The following LIMCH1 variants were observed in gnomAD, a reference collection of about 807,000 sequenced individuals.
LIMCH1 encodes the protein LIM and calponin homology domains 1, also known as LIM and calponin homology domains-containing protein 1.
Under a neutral mutation model 176.5 loss-of-function variants are expected in LIMCH1, and 113 were observed. The ratio of observed to expected loss-of-function variants is 0.64; its 90% CI spans 0.55 to 0.75. The LOEUF is 0.75. LIMCH1 is among the 30% of genes least tolerant of loss of function. The probability of loss-of-function intolerance (pLI) is 0.00; values close to 1 mark genes in which losing one functional copy is unlikely to be tolerated. For synonymous variants in LIMCH1, 619 were observed against 645.9 expected, an observed-to-expected ratio of 0.96 and a Z score of 0.63; for missense variants, 1,674 against 1,814.9, an observed-to-expected ratio of 0.92 and a Z score of 1.41.
intron 31 of LIMCH1, among the ~76,000 whole-genome samples, chr4:41,696,018 G>T (rs1362203310): frequency 6.6e-6 from 1 of 152,050 alleles, no homozygotes; most frequent in Non-Finnish European, 1.5e-5. Flanking sequence ...TACGTCATAG[G>T]CATTCTAAGT....
At chr4:41,507,182 C>A (rs1392064433) in intron 2 of LIMCH1, among the ~76,000 whole-genome samples, 1 of 152,180 alleles carries the variant, frequency 6.6e-6, no homozygotes, top group African/African-American at 2.4e-5. Context: ...GGTTTTCATC[C>A]CTTTCTTGTT....
chr4:41,362,516 G>T (rs1022813140), intron 1 of LIMCH1, among the ~76,000 whole-genome samples: 2 of 152,190 alleles, frequency 1.3e-5, no homozygotes, highest in Non-Finnish European at 2.9e-5. Context: ...GACTTCGAGT[G>T]TGGGTGGGGG....
At chr4:41,533,190 G>A (rs1167766713), upstream of LIMCH1, among the ~76,000 whole-genome samples, 3 of 152,166 alleles carry the variant, frequency 2.0e-5, no homozygotes. Context: ...AGAAAGGGAG[G>A]GAGACAACAA....
At chr4:41,481,936 G>A (rs898012778) in intron 1 of LIMCH1, among the ~76,000 whole-genome samples, 8 of 151,306 alleles carry the variant, frequency 5.3e-5, no homozygotes, top group Non-Finnish European at 1.0e-4. Context: ...CTGCAACCTC[G>A]GTCTCTTGGG....
chr4:41,685,794 T>C lies in LIMCH1; in HGVS notation c.4052T>C (p.Ile1351Thr). ...KPKTLPLDKS[I>T]NHQIESPSER... ...AAAACCCTCCCGCTGGATAAAAGCA[T>C]TAACCATCAGATCGAGTCTCCCAGT... Residue 1351 changes from isoleucine (I) to threonine (T), a missense_variant, in exon 28 of 32, where the codon ATT becomes ACT. Around this residue, in one of 3 missense-constraint regions of LIMCH1, gnomAD observed 1,015 missense variants for 1,102.5 expected, o/e 0.92. Transcript: ENST00000503057. 6.2e-7 allele frequency: 1 copy of C among 1,613,566 alleles called. No individual in the cohort carries two copies. Among genetic ancestry groups the C allele is most frequent in the South Asian group, 1.1e-5 (1 of 91,034 alleles).
intron 1 of LIMCH1, among the ~76,000 whole-genome samples, chr4:41,564,638 G>C (rs2082478542): frequency 6.6e-6 from 1 of 152,152 alleles, no homozygotes; most frequent in African/African-American, 2.4e-5. Context: ...TAGCATGACT[G>C]ATGTCAGTTC....
chr4:41,671,397 AACACACACACACAC>A (rs141018823), intron 21 of LIMCH1, among the ~76,000 whole-genome samples, 143 bp from the exon 22 acceptor site: 36 of 137,586 alleles, frequency 2.6e-4, no homozygotes, highest in East Asian at 1.1e-3. Flanking sequence ...TGACTTACCA[AACACACACACACAC>A]ACACACACAC....
At chr4:41,621,228 A>G (rs1434148472) in intron 7 of LIMCH1, among the ~76,000 whole-genome samples, 1 of 152,150 alleles carries the variant, frequency 6.6e-6, no homozygotes, top group African/African-American at 2.4e-5. Flanking sequence ...AAAAACAAAG[A>G]ATGGAGTAAT....
intron 7 of LIMCH1, among the ~76,000 whole-genome samples, chr4:41,624,543 CA>C (rs1182947250): frequency 1.5e-3 from 219 of 143,944 alleles, no homozygotes; most frequent in Middle Eastern, 0.01. Flanking sequence ...GCGGTTTTGC[CA>C]TTTTTAAAGG....
Position 41,443,472 on chromosome 4 carries a change from T to G in LIMCH1, c.97-51064T>G, listed in dbSNP as rs188065749. Among the ~76,000 whole-genome samples, 19 of 152,336 alleles carry G rather than the reference T, an allele frequency of 1.2e-4. No homozygotes were observed. The East Asian group carries it at 3.7e-3, about 29-fold the overall frequency. The stretch of plus-strand genomic sequence containing the variant: ...TGGATAAACACATTTAATAGTAGTA[T>G]GGACTTTGCTCTTATTGCAGATGGA... On this transcript the variant is annotated intron_variant, in intron 1 of 26. Transcript: ENST00000313860.
chr4:41,516,805 A>G (rs2075628571), intron 2 of LIMCH1, among the ~76,000 whole-genome samples: 1 of 152,238 alleles, frequency 6.6e-6, no homozygotes, highest in Non-Finnish European at 1.5e-5. Context: ...ATTTGTTTAC[A>G]GTATCCCAAA....
At chr4:41,535,722 G>T (rs7694894), upstream of LIMCH1, among the ~76,000 whole-genome samples, 2 of 152,102 alleles carry the variant, frequency 1.3e-5, no homozygotes, top group African/African-American at 4.8e-5. Flanking sequence ...TCTTATTCAC[G>T]TGTGTTTTGA....
At chr4:41,569,296 C>T (rs1017367340) in intron 1 of LIMCH1, among the ~76,000 whole-genome samples, 15 of 152,166 alleles carry the variant, frequency 9.9e-5, no homozygotes, top group Admixed American at 2.0e-4. Context: ...CAGACTTACC[C>T]ACTCAGCCAC....
At chr4:41,430,446 T>C (rs2154135832) in intron 1 of LIMCH1, among the ~76,000 whole-genome samples, 1 of 152,302 alleles carries the variant, frequency 6.6e-6, no homozygotes, top group East Asian at 1.9e-4. Context: ...GTATTTTTAG[T>C]TGAGATGGAG....
chr4:41,421,885 T>C (rs2154131372), intron 1 of LIMCH1, among the ~76,000 whole-genome samples: 1 of 152,092 alleles, frequency 6.6e-6, no homozygotes, highest in South Asian at 2.1e-4. Flanking sequence ...GAGTTTGAGA[T>C]CAGCCTGGCC....
intron 3 of LIMCH1, among the ~76,000 whole-genome samples, chr4:41,525,687 A>AT (rs1464553043): frequency 6.6e-6 from 1 of 152,146 alleles, no homozygotes; most frequent in Non-Finnish European, 1.5e-5. Flanking sequence ...AGATACATAT[A>AT]TTTGGAAGGA....
chr4:41,654,301 C>T, intron 18 of LIMCH1, among the ~76,000 whole-genome samples: 1 of 152,136 alleles, frequency 6.6e-6, no homozygotes, highest in East Asian at 1.9e-4. Flanking sequence ...TGTGAGTGAG[C>T]CGCAGCTCCC....
intron 1 of LIMCH1, among the ~76,000 whole-genome samples, chr4:41,581,828 A>AAAAAAAAAAAAAAAAAAAAAAAAAC (rs2085527320): frequency 2.0e-5 from 3 of 150,470 alleles, no homozygotes; most frequent in Non-Finnish European, 3.0e-5. Context: ...AAAAAAAAAA[A>AAAAAAAAAAAAAAAAAAAAAAAAAC]AACAACAGCA....
At chr4:41,443,351 A>G (rs2062920234) in intron 1 of LIMCH1, among the ~76,000 whole-genome samples, 1 of 152,186 alleles carries the variant, frequency 6.6e-6, no homozygotes, top group African/African-American at 2.4e-5. Context: ...ACCACCTGTG[A>G]GATTCCAAAT....
Sources: allele counts gnomAD v4.1 joint callset (sites outside exome capture counted in the v4.1 genomes callset), GRCh38; gene constraint gnomAD v4.1.1; regional missense constraint gnomAD v4.1.1; transcripts MANE v1.5; gene names NCBI Gene and HGNC (gene_info 2026-07-23, HGNC 2026-07-21).